Variants in HMCN1 observed in about 807,000 individuals in gnomAD.
HMCN1 encodes hemicentin-1.
HMCN1 carries 321 observed loss-of-function variants against 625.9 expected under a neutral mutation model. The ratio of observed to expected loss-of-function variants is 0.51; its 90% CI spans 0.47 to 0.56. The LOEUF is 0.56. HMCN1 is among the 20% of genes least tolerant of loss of function. The pLI is 0.00. For missense variants in HMCN1, 6,588 were observed against 6,887.3 expected (o/e 0.96, Z 1.54); for synonymous variants, 2,425 against 2,417.6 (o/e 1.00, Z -0.09).
intron 1 of HMCN1, among the ~76,000 whole-genome samples, chr1:185,791,834 G>A (rs182387119): frequency 6.6e-6 from 1 of 152,242 alleles, no homozygotes; most frequent in East Asian, 1.9e-4. Context: ...AAATGTGTAG[G>A]ACAATCTTAA....
chr1:185,760,329 C>T (rs981740089), intron 1 of HMCN1, among the ~76,000 whole-genome samples: 1 of 152,144 alleles, frequency 6.6e-6, no homozygotes, highest in Non-Finnish European at 1.5e-5. Context: ...AAAGGTAATG[C>T]ACAGTGGAAC....
At chr1:186,124,871 T>A (rs1013874431) in intron 81 of HMCN1, among the ~76,000 whole-genome samples, 10 of 152,096 alleles carry the variant, frequency 6.6e-5, no homozygotes, top group Admixed American at 6.5e-4. Flanking sequence ...TTCTTAATAC[T>A]TTTTGTCTTT....
intron 11 of HMCN1, among the ~76,000 whole-genome samples, chr1:185,938,631 A>C (rs1412218685): frequency 1.3e-5 from 2 of 152,096 alleles, no homozygotes; most frequent in African/African-American, 2.4e-5. Flanking sequence ...GACCACGAAC[A>C]CTTAAAAAAT....
chr1:185,970,981 G>A (rs933855064), intron 15 of HMCN1, among the ~76,000 whole-genome samples: 1 of 152,018 alleles, frequency 6.6e-6, no homozygotes, highest in African/African-American at 2.4e-5. Flanking sequence ...ACCGTTCGCT[G>A]TGTCAAAAAA....
At chr1:186,065,949 TA>T (rs1318945792) in intron 49 of HMCN1, among the ~76,000 whole-genome samples, 2 of 152,232 alleles carry the variant, frequency 1.3e-5, no homozygotes, top group Non-Finnish European at 2.9e-5. Flanking sequence ...ATTAGATTCC[TA>T]ATATCATATA....
At chr1:186,167,543 C>A (rs1400536765) in intron 100 of HMCN1, among the ~76,000 whole-genome samples, 1 of 152,182 alleles carries the variant, frequency 6.6e-6, no homozygotes, top group African/African-American at 2.4e-5. Context: ...GTTGCACATT[C>A]TATGGGTTTG....
intron 4 of HMCN1, among the ~76,000 whole-genome samples, chr1:185,893,897 C>G (rs144992883): frequency 8.7e-4 from 132 of 152,202 alleles, no homozygotes; most frequent in African/African-American, 3.1e-3. Context: ...CAGTACATTA[C>G]CAGGACTCCA....
chr1:185,887,929 G>C (rs1453460516), intron 4 of HMCN1, among the ~76,000 whole-genome samples: 1 of 144,046 alleles, frequency 6.9e-6, no homozygotes, highest in Non-Finnish European at 1.5e-5. Context: ...CAGCAACAGT[G>C]TAAAAGTGTT....
chr1:185,876,742 C>T (rs1017059769), intron 4 of HMCN1, among the ~76,000 whole-genome samples: 2 of 151,988 alleles, frequency 1.3e-5, no homozygotes, highest in Admixed American at 6.6e-5. Context: ...CCTTTGTCCA[C>T]ATTTTAATGT....
intron 93 of HMCN1, 71 bp from the exon 94 acceptor site, chr1:186,151,129 C>A: frequency 6.9e-7 from 1 of 1,440,576 alleles, no homozygotes; most frequent in Non-Finnish European, 9.7e-7. Context: ...TGAATACTGG[C>A]CCTCTTTTCT....
chr1:185,771,696 A>T (rs1386379303), intron 1 of HMCN1, among the ~76,000 whole-genome samples: 1 of 152,174 alleles, frequency 6.6e-6, no homozygotes, highest in Admixed American at 6.5e-5. Flanking sequence ...AATTTGGGAC[A>T]AATATTCAGG....
intron 1 of HMCN1, among the ~76,000 whole-genome samples, chr1:185,794,469 G>A (rs1016210471): frequency 6.7e-6 from 1 of 150,332 alleles, no homozygotes; most frequent in Non-Finnish European, 1.5e-5. Flanking sequence ...TGAAGAACTT[G>A]GAGTCCAAAA....
chr1:186,088,616 C>T lies in HMCN1; in HGVS notation c.9588C>T (p.Asp3196=). 2.5e-6 allele frequency: 4 copies of T among 1,611,636 alleles called. No individual in the cohort carries two copies. Among genetic ancestry groups the T allele is most frequent in the Non-Finnish European group, 3.4e-6 (4 of 1,178,596 alleles). ...LKNHKRIENS[D]SLEVRILSGG... ...TGTTTCTACCTCTAGAAAATTCTGA[C>T]TCACTGGAAGTTCGTATTTTGTCTG... Residue 3196 remains aspartate (D), a synonymous_variant, in exon 63 of 107, where the codon GAC becomes GAT. Transcript: ENST00000271588.
chr1:186,022,379 G>C (rs531227655), intron 35 of HMCN1, among the ~76,000 whole-genome samples: 2 of 152,260 alleles, frequency 1.3e-5, no homozygotes, highest in Admixed American at 1.3e-4. Context: ...GAGTTTCAAG[G>C]AGTTGGTAGT....
In HMCN1 at chr1:185,994,859, G is replaced by T. The variant is rs12239296; in HGVS notation, c.3550G>T (p.Val1184Phe). The T allele has an allele frequency of 2.1e-3, 3,401 of 1,613,704 alleles. 69 individuals carry two copies. The African/African-American group carries it at 0.038, about 18-fold the overall frequency. Residue 1184 changes from valine (V) to phenylalanine (F), a missense_variant, in exon 24 of 107, where the codon GTT becomes TTT. Physicochemically the swap from Val to Phe is conservative, Grantham distance 50. Around this residue, in one of 3 missense-constraint regions of HMCN1, gnomAD observed 4,628 missense variants for 4,853.1 expected, o/e 0.95. Coordinates refer to ENST00000271588, the MANE Select transcript of HMCN1 (RefSeq NM_031935.3). ...QRGPKHLKVQ[V>F]GQRVDIPCNA... The stretch of plus-strand genomic sequence containing the variant: ...TGGACCTAAACATCTCAAAGTCCAA[G>T]TTGGTCAAAGAGTGGATATTCCATG...
chr1:185,978,218 A>T, intron 16 of HMCN1: 1 of 449,230 alleles, frequency 2.2e-6, no homozygotes, highest in East Asian at 4.0e-5. Context: ...AAACAATATG[A>T]CTTCTTCATA....
intron 93 of HMCN1, among the ~76,000 whole-genome samples, chr1:186,147,817 C>T (rs1650416314): frequency 6.6e-6 from 1 of 152,184 alleles, no homozygotes; most frequent in Admixed American, 6.5e-5. Flanking sequence ...TCTGAGCCTT[C>T]AGAAAGTCAA....
intron 49 of HMCN1, among the ~76,000 whole-genome samples, chr1:186,066,512 C>T (rs1226484618): frequency 6.6e-6 from 1 of 152,104 alleles, no homozygotes; most frequent in African/African-American, 2.4e-5. Context: ...CTGTATCTTT[C>T]CACCATCTGC....
At chr1:185,897,289 C>G (rs1227083022) in intron 4 of HMCN1, among the ~76,000 whole-genome samples, 1 of 152,176 alleles carries the variant, frequency 6.6e-6, no homozygotes, top group Non-Finnish European at 1.5e-5. Context: ...ACTGATCATT[C>G]TGCTTCCAGC....
Sources: gnomAD v4.1 joint callset for allele counts (sites outside exome capture counted in the v4.1 genomes callset) on GRCh38, gnomAD v4.1.1 for gene constraint, gnomAD v4.1.1 regional missense constraint, MANE v1.5 for transcripts, NCBI Gene and HGNC (gene_info 2026-07-23, HGNC 2026-07-21) for gene names.